KDM4C: variants seen among roughly 807,000 people sequenced by gnomAD.
The protein encoded by KDM4C is lysine demethylase 4C, also known as lysine-specific demethylase 4C.
KDM4C carries 81 observed loss-of-function variants against 129.3 expected under a neutral mutation model. The ratio of observed to expected loss-of-function variants is 0.63; its 90% CI spans 0.52 to 0.75. The LOEUF (loss-of-function observed/expected upper bound fraction) is 0.75. Among genes scored for constraint, KDM4C ranks in the 30% least tolerant of loss-of-function variants. The pLI is 0.00. For synonymous variants in KDM4C, 573 were observed against 456.1 expected, an observed-to-expected ratio of 1.26 and a Z score of -3.26; for missense variants, 1,457 against 1,304.0, an observed-to-expected ratio of 1.12 and a Z score of -1.81.
At chr9:7,078,805 A>G (rs558531572) in intron 17 of KDM4C, among the ~76,000 whole-genome samples, 8 of 152,334 alleles carry the variant, frequency 5.3e-5, no homozygotes, top group African/African-American at 1.7e-4. Flanking sequence ...TGTAACTTAC[A>G]TGTACACTGG....
chr9:6,769,532 CCTG>C, intron 1 of KDM4C, among the ~76,000 whole-genome samples: 1 of 152,196 alleles, frequency 6.6e-6, no homozygotes, highest in East Asian at 1.9e-4. Context: ...ATAATCACAG[CCTG>C]CTAACTAACA....
At chr9:6,994,435 G>A (rs746766585) in intron 12 of KDM4C, among the ~76,000 whole-genome samples, 12 of 151,924 alleles carry the variant, frequency 7.9e-5, no homozygotes, top group Admixed American at 2.0e-4. Flanking sequence ...CACCTCTACC[G>A]CCCATAGACT....
In KDM4C at chr9:6,748,801, C is replaced by T. The variant is rs575236125; in HGVS notation, c.49+27804C>T. ...TTTGTTTTCGAATGAATCTCTTCTG[C>T]ATCATCTAATACAAGGTTCATATAC... On this transcript the variant is annotated intron_variant, in intron 1 of 17. Transcript: ENST00000536108. 19 of 1,349,166 alleles carry T rather than the reference C, an allele frequency of 1.4e-5. No individual in the cohort carries two copies. The East Asian group carries it at 3.0e-4, about 21-fold the overall frequency. 83.6% of individuals were successfully genotyped at this position (1,349,166 alleles called of 1,614,324 possible). A position where few individuals can be genotyped will look rare whatever the true frequency, so the allele number is the denominator to read the frequency against.
intron 8 of KDM4C, among the ~76,000 whole-genome samples, chr9:6,898,744 C>T (rs1010136408): frequency 6.6e-6 from 1 of 152,148 alleles, no homozygotes; most frequent in Non-Finnish European, 1.5e-5. Context: ...TTTTATATTT[C>T]AATTCTCTAA....
chr9:6,920,781 C>T (rs1400939622), intron 8 of KDM4C, among the ~76,000 whole-genome samples: 1 of 152,002 alleles, frequency 6.6e-6, no homozygotes, highest in Non-Finnish European at 1.5e-5. Flanking sequence ...ATTTGTTCTG[C>T]TTGGTGGGTC....
rs141814793 is a variant in KDM4C at position 6,799,859 on chromosome 9, TTATTCA to T, written c.145-5730_145-5725del. On this transcript the variant is annotated intron_variant, in intron 2 of 21. Transcript: ENST00000381309. ...TCAATATGTCATCAAAATAGTAAGGTTATTCATATTCATATGAATGTAGTAAGGTTA... is the reference window on the plus strand; with the variant it reads ...TCAATATGTCATCAAAATAGTAAGGTTATTCATATGAATGTAGTAAGGTTA... 8.6e-3 allele frequency among the ~76,000 whole-genome samples: 1,301 copies of T among 152,030 alleles called. 13 individuals carry two copies. The highest frequency in any genetic ancestry group is 0.026 in the African/African-American group (1,074 of 41,456).
At chr9:6,866,917 AT>A (rs906970137) in intron 5 of KDM4C, among the ~76,000 whole-genome samples, 5 of 147,180 alleles carry the variant, frequency 3.4e-5, no homozygotes, top group African/African-American at 1.2e-4. Flanking sequence ...ATATATATAT[AT>A]ATATAGAAAA....
At chr9:6,831,458 A>G (rs72701426) in intron 4 of KDM4C, among the ~76,000 whole-genome samples, 11,165 of 152,090 alleles carry the variant, frequency 0.073, 591 homozygotes, top group Non-Finnish European at 0.11. Context: ...TTCTCCTGCC[A>G]TAGCCTTCCC....
chr9:7,024,792 A>T (rs373252478), intron 15 of KDM4C, among the ~76,000 whole-genome samples: 2 of 152,208 alleles, frequency 1.3e-5, no homozygotes, highest in South Asian at 2.1e-4. Context: ...TGCAATAAAC[A>T]TACGTGTGCA....
intron 19 of KDM4C, among the ~76,000 whole-genome samples, chr9:7,149,028 A>G (rs1262683513): frequency 6.6e-6 from 1 of 152,122 alleles, no homozygotes; most frequent in Admixed American, 6.5e-5. Context: ...CATCCCTCCT[A>G]ATAACCTGTC....
chr9:7,046,478 G>T (rs1212903140), intron 15 of KDM4C, among the ~76,000 whole-genome samples: 1 of 151,978 alleles, frequency 6.6e-6, no homozygotes, highest in Admixed American at 6.6e-5. Context: ...AATTCCCAGA[G>T]CACAAGGCTA....
intron 3 of KDM4C, among the ~76,000 whole-genome samples, chr9:6,807,109 C>T (rs753335391): frequency 6.6e-6 from 1 of 151,932 alleles, no homozygotes; most frequent in Admixed American, 6.5e-5. Flanking sequence ...GGGCCGGTCT[C>T]CAGCCCCTAA....
intron 8 of KDM4C, among the ~76,000 whole-genome samples, chr9:6,970,354 G>T (rs111265574): frequency 2.0e-5 from 3 of 152,012 alleles, no homozygotes; most frequent in Non-Finnish European, 4.4e-5. Context: ...TATGAACCTT[G>T]GTCACTGTAA....
intron 19 of KDM4C, among the ~76,000 whole-genome samples, chr9:7,140,178 G>T (rs1310771495): frequency 6.6e-6 from 1 of 152,026 alleles, no homozygotes; most frequent in African/African-American, 2.4e-5. Flanking sequence ...TTAGTTTAGC[G>T]AGACAGTTAA....
intron 17 of KDM4C, among the ~76,000 whole-genome samples, chr9:7,057,803 C>T (rs1039002739): frequency 2.0e-5 from 3 of 152,208 alleles, no homozygotes; most frequent in African/African-American, 7.2e-5. Context: ...GTCTGAGATT[C>T]CACCAACTTC....
intron 19 of KDM4C, among the ~76,000 whole-genome samples, chr9:7,135,716 G>T (rs12005620): frequency 0.39 from 59,274 of 152,042 alleles, 11,909 homozygotes; most frequent in African/African-American, 0.49. Context: ...CAAGGAAGTT[G>T]GAAAGACTAA....
intron 18 of KDM4C, among the ~76,000 whole-genome samples, chr9:7,118,455 A>G (rs959908188): frequency 3.9e-4 from 59 of 152,322 alleles, no homozygotes; most frequent in African/African-American, 1.3e-3. Context: ...ATGACAAGGC[A>G]AGTTTAGATG....
At chr9:6,856,171 CAAA>C (rs58881523) in intron 5 of KDM4C, among the ~76,000 whole-genome samples, 1 of 142,932 alleles carries the variant, frequency 7.0e-6, no homozygotes, top group African/African-American at 2.5e-5. Context: ...ATTTGAAGAT[CAAA>C]AAAAAAAAAA....
intron 1 of KDM4C, among the ~76,000 whole-genome samples, chr9:6,783,046 G>T (rs72699657): frequency 0.074 from 11,289 of 152,218 alleles, 612 homozygotes; most frequent in Non-Finnish European, 0.11. Context: ...GATGTTGGCC[G>T]TGCAGTAGAG....
Sources: gnomAD v4.1 joint callset for allele counts (sites outside exome capture counted in the v4.1 genomes callset) on GRCh38, gnomAD v4.1.1 for gene constraint, MANE v1.5 for transcripts, NCBI Gene and HGNC (gene_info 2026-07-23, HGNC 2026-07-21) for gene names.